CNTN6: variants seen among roughly 807,000 people sequenced by gnomAD.
CNTN6 encodes contactin 6.
Under a neutral mutation model 122.8 loss-of-function variants are expected in CNTN6, and 137 were observed. The ratio of observed to expected loss-of-function variants is 1.12; its 90% CI spans 0.97 to 1.29. The LOEUF is 1.29. Among genes scored for constraint, CNTN6 ranks in the 50% most tolerant of loss-of-function variants. The pLI, the probability that CNTN6 is intolerant of heterozygous loss-of-function variation, is 0.00. For missense variants in CNTN6, 1,634 were observed against 1,223.4 expected (o/e 1.34, Z -5.01); for synonymous variants, 570 against 426.0 (o/e 1.34, Z -4.16).
intron 1 of CNTN6, among the ~76,000 whole-genome samples, chr3:1,123,594 G>A (rs549680359): frequency 1.8e-4 from 27 of 151,982 alleles, no homozygotes; most frequent in Non-Finnish European, 3.5e-4. Flanking sequence ...GGAAGACTGA[G>A]ATTTTTATAT....
At chr3:1,199,101 G>A (rs2093821828) in intron 2 of CNTN6, among the ~76,000 whole-genome samples, 1 of 151,642 alleles carries the variant, frequency 6.6e-6, no homozygotes, top group East Asian at 1.9e-4. Flanking sequence ...GCCTCCAGAA[G>A]GAACCAACCC....
chr3:1,308,568 T>A (rs920382582), intron 7 of CNTN6, among the ~76,000 whole-genome samples: 3 of 151,966 alleles, frequency 2.0e-5, no homozygotes, highest in African/African-American at 4.8e-5. Context: ...TATGTACATA[T>A]ATCTATAAGT....
chr3:1,328,368 G>A (rs1464392803), intron 10 of CNTN6, among the ~76,000 whole-genome samples: 4 of 151,784 alleles, frequency 2.6e-5, no homozygotes, highest in African/African-American at 7.2e-5. Context: ...TTTCTTAGTG[G>A]TAGGAAGAAC....
chr3:1,195,245 C>T (rs2093759588), intron 2 of CNTN6, among the ~76,000 whole-genome samples: 1 of 152,166 alleles, frequency 6.6e-6, no homozygotes. Flanking sequence ...TCCACTTTCT[C>T]TGCCTCTAAA....
intron 4 of CNTN6, among the ~76,000 whole-genome samples, chr3:1,263,928 T>C (rs1173750274): frequency 6.6e-6 from 1 of 151,538 alleles, no homozygotes; most frequent in Non-Finnish European, 1.5e-5. Flanking sequence ...GAGATCTAAA[T>C]GTCAAAAAGA....
At chr3:1,315,390 G>T (rs573509256) in intron 7 of CNTN6, among the ~76,000 whole-genome samples, 5 of 151,950 alleles carry the variant, frequency 3.3e-5, no homozygotes, top group African/African-American at 7.2e-5. Context: ...AAAGGAATTA[G>T]AAGGTAGATC....
At chr3:1,119,524 T>C (rs536882722) in intron 1 of CNTN6, among the ~76,000 whole-genome samples, 4 of 152,068 alleles carry the variant, frequency 2.6e-5, no homozygotes, top group South Asian at 4.1e-4. Flanking sequence ...GAGAGCATCA[T>C]AGAAGACAGT....
At chr3:1,363,956 G>T (rs1054397448) in intron 12 of CNTN6, among the ~76,000 whole-genome samples, 11 of 151,806 alleles carry the variant, frequency 7.2e-5, no homozygotes, top group Non-Finnish European at 1.5e-4. Context: ...ATCCTAACAG[G>T]TGTGATGTGA....
In CNTN6 at chr3:1,247,453, T is replaced by TTAAA. The variant is rs1553640107; in HGVS notation, c.358+19460_358+19461insTAAA. 5.4e-5 allele frequency among the ~76,000 whole-genome samples: 8 copies of TTAAA among 149,344 alleles called. No homozygotes were observed. The South Asian group carries it at 6.4e-4, about 12-fold the overall frequency. ...AGCTATTAAAATAGACTATATGGTT[T>TTAAA]AAAAAAAAAAGAGGCTTGAATTGTA... On this transcript the variant is annotated intron_variant, in intron 4 of 22. Coordinates refer to ENST00000446702, the MANE Select transcript of CNTN6 (RefSeq NM_001289080.2).
chr3:1,304,247 A>G (rs1368628166), intron 7 of CNTN6, among the ~76,000 whole-genome samples: 3 of 151,802 alleles, frequency 2.0e-5, no homozygotes, highest in Admixed American at 6.6e-5. Flanking sequence ...TCAGGATCAT[A>G]CTTTTGTGTT....
At position 1,384,606 on chromosome 3, in the gene CNTN6, ATAATT is replaced by A. The variant is rs1336396276; in HGVS notation, c.2518-1002_2518-998del. 5.9e-5 allele frequency among the ~76,000 whole-genome samples: 9 copies of A among 151,424 alleles called. No individual in the cohort carries two copies. The South Asian group carries it at 1.9e-3, about 32-fold the overall frequency. ...TTCAGTGATTCACAAAATGGGTAAC[ATAATT>A]TATTTAACTTTGGATTTAGAATAAA... On this transcript the variant is annotated intron_variant, in intron 19 of 22. Transcript: ENST00000446702.
At position 1,383,351 on chromosome 3, in the gene CNTN6, G is replaced by A. The variant is rs1213460607; in HGVS notation, c.2460G>A (p.Glu820=). The change falls in exon 19 of 23, where the codon GAG becomes GAA. Residue 820 remains glutamate (E), a synonymous_variant. Coordinates refer to ENST00000446702, the MANE Select transcript of CNTN6 (RefSeq NM_001289080.2). The part of the protein sequence containing the change: ...SLQSFSASEM[E]VSWNAIAWNR... ...AGAGTTTTTCTGCTTCTGAAATGGA[G>A]GTTTCATGGAATGCTATTGCCTGGA... The A allele has an allele frequency of 5.6e-6, 9 of 1,614,030 alleles. No homozygotes were observed. Among genetic ancestry groups the A allele is most frequent in the Non-Finnish European group, 8.5e-7 (1 of 1,179,912 alleles).
intron 16 of CNTN6, among the ~76,000 whole-genome samples, chr3:1,376,697 C>G (rs1709918379): frequency 6.6e-6 from 1 of 152,084 alleles, no homozygotes; most frequent in Admixed American, 6.6e-5. Flanking sequence ...TCAGCAGTGT[C>G]ACTGTCACCA....
intron 4 of CNTN6, among the ~76,000 whole-genome samples, chr3:1,241,772 G>C: frequency 6.6e-6 from 1 of 152,222 alleles, no homozygotes; most frequent in Admixed American, 6.5e-5. Context: ...CAGTAAGTCA[G>C]TCAAGGCCTC....
chr3:1,162,723 G>C lies in CNTN6; in HGVS notation c.55+14660G>C, dbSNP rs554135512. On this transcript the variant is annotated intron_variant, in intron 2 of 22. Transcript: ENST00000446702. Reference sequence around the variant, plus strand: ...GGAAGCCGGATCTTGCTTTATGTTTGAGAACACATTTCCAGAGTCCAAAAG... The same window carrying C: ...GGAAGCCGGATCTTGCTTTATGTTTCAGAACACATTTCCAGAGTCCAAAAG... 5.3e-5 allele frequency among the ~76,000 whole-genome samples: 8 copies of C among 152,312 alleles called. No individual in the cohort carries two copies. The South Asian group carries it at 1.4e-3, about 28-fold the overall frequency.
chr3:1,286,709 G>A (rs1373803380), intron 5 of CNTN6, among the ~76,000 whole-genome samples: 1 of 152,064 alleles, frequency 6.6e-6, no homozygotes, highest in Non-Finnish European at 1.5e-5. Flanking sequence ...CAGGCTAAAT[G>A]TCCCAATTAA....
At chr3:1,329,679 G>A in intron 10 of CNTN6, 106 bp from the exon 11 acceptor site, 1 of 889,684 alleles carries the variant, frequency 1.1e-6, no homozygotes, top group South Asian at 2.4e-5. Context: ...CTGAAAAGAG[G>A]ATACAGCTAT....
At position 1,194,519 on chromosome 3, in the gene CNTN6, G is replaced by A. The variant is rs142780642; in HGVS notation, c.56-26168G>A. 2.0e-5 allele frequency among the ~76,000 whole-genome samples: 3 copies of A among 152,086 alleles called. No homozygotes were observed. In the East Asian group the frequency reaches 5.8e-4, roughly 29 times the overall value. On this transcript the variant is annotated intron_variant, in intron 2 of 22. Coordinates refer to ENST00000446702, the MANE Select transcript of CNTN6 (RefSeq NM_001289080.2). ...ATTAATATGCTAATAATGTATTATT[G>A]TAATCTGCTGTTTTCTTTTTTCATT...
chr3:1,245,952 G>A (rs1315561429), intron 4 of CNTN6, among the ~76,000 whole-genome samples: 2 of 152,042 alleles, frequency 1.3e-5, no homozygotes, highest in African/African-American at 4.8e-5. Context: ...AACGTTTTAA[G>A]AAAATGTATG....
Sources: allele counts gnomAD v4.1 joint callset (sites outside exome capture counted in the v4.1 genomes callset), GRCh38; gene constraint gnomAD v4.1.1; transcripts MANE v1.5; gene names NCBI Gene and HGNC (gene_info 2026-07-23, HGNC 2026-07-21).